CFAP299: variants seen among roughly 807,000 people sequenced by gnomAD.
CFAP299 encodes cilia- and flagella-associated protein 299.
CFAP299 carries 21 observed loss-of-function variants against 27.0 expected under a neutral mutation model. The observed-to-expected ratio is 0.78, with a 90% confidence interval of 0.55 to 1.12. CFAP299 has a LOEUF of 1.12. Among genes scored for constraint, CFAP299 ranks in the 50% most tolerant of loss-of-function variants. The pLI is 0.00. For synonymous variants in CFAP299, 104 were observed against 98.1 expected, an observed-to-expected ratio of 1.06 and a Z score of -0.36; for missense variants, 310 against 276.6, an observed-to-expected ratio of 1.12 and a Z score of -0.86.
intron 1 of CFAP299, among the ~76,000 whole-genome samples, chr4:80,347,823 G>C (rs1404501426): frequency 6.6e-6 from 1 of 152,096 alleles, no homozygotes; most frequent in Non-Finnish European, 1.5e-5. Context: ...ACATAGCCAA[G>C]ACAATCCTAA....
intron 3 of CFAP299, among the ~76,000 whole-genome samples, chr4:80,685,916 C>A (rs971822546): frequency 6.6e-6 from 1 of 152,038 alleles, no homozygotes; most frequent in Admixed American, 6.6e-5. Context: ...ATTAAATATG[C>A]CTGCCATGGG....
At chr4:80,768,787 G>T (rs1294319379) in intron 3 of CFAP299, among the ~76,000 whole-genome samples, 1 of 152,064 alleles carries the variant, frequency 6.6e-6, no homozygotes, top group Non-Finnish European at 1.5e-5. Context: ...AGTGTCAAGG[G>T]TCCAAGGCAT....
rs992467904 is a variant in CFAP299, at chr4:80,898,777, T to C, written c.476+28642T>C. On this transcript the variant is annotated intron_variant, in intron 4 of 5. Coordinates refer to ENST00000358105, the MANE Select transcript of CFAP299 (RefSeq NM_152770.3). ...ATGGAGCAAAACAATCCATGGACTA[T>C]GATGATAGTGATGAGTAAATTAAAT... is the stretch of plus-strand genomic sequence containing the variant. Among the ~76,000 whole-genome samples, 4 of 152,236 alleles carry C rather than the reference T, an allele frequency of 2.6e-5. No homozygotes were observed. In the East Asian group the frequency reaches 7.7e-4, roughly 29 times the overall value.
chr4:80,520,075 A>T (rs542964912), intron 2 of CFAP299, among the ~76,000 whole-genome samples: 2 of 152,182 alleles, frequency 1.3e-5, no homozygotes, highest in Non-Finnish European at 2.9e-5. Flanking sequence ...TTGGAGTTTC[A>T]CTTGGAGACA....
chr4:80,690,968 A>G (rs1720638471), intron 3 of CFAP299, among the ~76,000 whole-genome samples: 1 of 149,596 alleles, frequency 6.7e-6, no homozygotes, highest in Admixed American at 6.7e-5. Flanking sequence ...TCCTTGACAC[A>G]TACACTATCC....
intron 2 of CFAP299, chr4:80,420,357 C>T (rs983517245): frequency 5.8e-6 from 2 of 343,914 alleles, no homozygotes; most frequent in African/African-American, 2.1e-5. Flanking sequence ...TTTGCAGGCC[C>T]TCTGAACAGT....
At chr4:80,785,885 C>T (rs1727220358) in intron 3 of CFAP299, among the ~76,000 whole-genome samples, 1 of 152,084 alleles carries the variant, frequency 6.6e-6, no homozygotes, top group Admixed American at 6.6e-5. Flanking sequence ...GCTTAAAACA[C>T]AGTTAATGTA....
intron 2 of CFAP299, among the ~76,000 whole-genome samples, chr4:80,381,943 A>G (rs1357868145): frequency 6.6e-6 from 1 of 152,224 alleles, no homozygotes; most frequent in Non-Finnish European, 1.5e-5. Context: ...GCATTCCTAC[A>G]AAAGAATTTG....
At chr4:80,387,333 C>T in intron 2 of CFAP299, 1 of 1,582,674 alleles carries the variant, frequency 6.3e-7, no homozygotes, top group Non-Finnish European at 8.7e-7. Flanking sequence ...CAGCTTTTGA[C>T]CACACATTTG....
chr4:80,465,076 A>G (rs1026529482), intron 2 of CFAP299, among the ~76,000 whole-genome samples: 2 of 152,164 alleles, frequency 1.3e-5, no homozygotes, highest in African/African-American at 4.8e-5. Context: ...ATTCTTGGGC[A>G]TGTGTAGAAT....
intron 2 of CFAP299, among the ~76,000 whole-genome samples, chr4:80,380,307 T>C (rs954592173): frequency 6.6e-6 from 1 of 151,860 alleles, no homozygotes; most frequent in Non-Finnish European, 1.5e-5. Flanking sequence ...GAAAACTATA[T>C]AGACAAAATC....
chr4:80,542,717 C>T (rs1440141750), intron 2 of CFAP299, among the ~76,000 whole-genome samples: 1 of 152,072 alleles, frequency 6.6e-6, no homozygotes, highest in African/African-American at 2.4e-5. Context: ...TGCCAGAGCA[C>T]TTTTACCAGT....
chr4:80,759,582 A>C (rs1225123529), intron 3 of CFAP299, among the ~76,000 whole-genome samples: 1 of 152,194 alleles, frequency 6.6e-6, no homozygotes, highest in Non-Finnish European at 1.5e-5. Context: ...AGAAATGGGG[A>C]AAAGATCAAA....
chr4:80,800,037 A>C (rs1399035593), intron 3 of CFAP299, among the ~76,000 whole-genome samples: 49 of 55,120 alleles, frequency 8.9e-4, no homozygotes, highest in African/African-American at 3.8e-3. Flanking sequence ...TATAATATAT[A>C]ATAATATATA....
intron 3 of CFAP299, among the ~76,000 whole-genome samples, chr4:80,664,345 C>T (rs1741028421): frequency 1.3e-5 from 2 of 152,142 alleles, no homozygotes; most frequent in South Asian, 4.1e-4. Flanking sequence ...CCCATGGATG[C>T]CCCTTCTCCC....
At chr4:80,489,459 A>G (rs1432460242) in intron 2 of CFAP299, among the ~76,000 whole-genome samples, 1 of 121,648 alleles carries the variant, frequency 8.2e-6, no homozygotes, top group Non-Finnish European at 1.6e-5. Flanking sequence ...GGTTAGGATC[A>G]CAGAAGACGA....
chr4:80,489,809 T>A (rs1560590701), intron 2 of CFAP299, among the ~76,000 whole-genome samples: 1 of 152,198 alleles, frequency 6.6e-6, no homozygotes, highest in East Asian at 1.9e-4. Flanking sequence ...TATAATTTTG[T>A]TTTTGTTGAC....
chr4:80,583,098 TAA>T lies in CFAP299; in HGVS notation c.249_250del (p.Thr84LysfsTer4). The T allele has an allele frequency of 6.3e-7, 1 of 1,599,324 alleles. No individual in the cohort carries two copies. Among genetic ancestry groups the T allele is most frequent in the Non-Finnish European group, 8.5e-7 (1 of 1,170,760 alleles). On this transcript the variant is annotated frameshift_variant, in exon 3 of 6. Coordinates refer to ENST00000358105, the MANE Select transcript of CFAP299 (RefSeq NM_152770.3). LOFTEE classifies it high-confidence loss of function. ...TGAAGATCTGCCTTTTACAGGACGC[TAA>T]CAAGTGCTGGTAAAGACCTACAAGA...
intron 2 of CFAP299, among the ~76,000 whole-genome samples, chr4:80,390,786 CAT>C (rs1283575543): frequency 2.9e-5 from 4 of 138,996 alleles, no homozygotes; most frequent in Non-Finnish European, 4.6e-5. Context: ...TACATATACA[CAT>C]ATATGTATAT....
Sources: gnomAD v4.1 joint callset for allele counts (sites outside exome capture counted in the v4.1 genomes callset) on GRCh38, gnomAD v4.1.1 for gene constraint, MANE v1.5 for transcripts, NCBI Gene and HGNC (gene_info 2026-07-23, HGNC 2026-07-21) for gene names.